The following PARP14 variants were observed in gnomAD, a reference collection of about 807,000 sequenced individuals.
PARP14 encodes the protein poly(ADP-ribose) polymerase family member 14.
PARP14 carries 59 observed loss-of-function variants against 154.2 expected under a neutral mutation model. The observed-to-expected ratio is 0.38, with a 90% CI of 0.31 to 0.48. The LOEUF is 0.48. Ranked by LOEUF, PARP14 falls within the 20% of genes least tolerant of loss-of-function variation. The probability of loss-of-function intolerance (pLI) is 0.98; values close to 1 mark genes in which losing one functional copy is unlikely to be tolerated. For synonymous variants in PARP14, 720 were observed against 780.5 expected, an observed-to-expected ratio of 0.92 and a Z score of 1.29; for missense variants, 1,734 against 2,131.6, an observed-to-expected ratio of 0.81 and a Z score of 3.67.
Position 122,701,068 on chromosome 3 carries a change from A to T in PARP14, c.2514A>T (p.Ser838=). The T allele has an allele frequency of 6.2e-7, 1 of 1,614,006 alleles. No individual in the cohort carries two copies. Among genetic ancestry groups the T allele is most frequent in the Non-Finnish European group, 8.5e-7 (1 of 1,179,888 alleles). Residue 838 remains serine, a synonymous_variant, in exon 6 of 17, where the codon TCA becomes TCT. Transcript: ENST00000474629. This position sits in a 1 kb window ranked among gnomAD's most constrained non-coding sequence, Gnocchi z 4.0. ...KHYGGLAAAL[S]KAAGPELQAD... ...ATGGTGGCCTGGCCGCTGCGCTCTC[A>T]AAAGCAGCTGGCCCTGAGCTCCAGG... is the stretch of plus-strand genomic sequence containing the variant.
At chr3:122,685,060 A>G (rs1173577291) in intron 1 of PARP14, 125 bp from the exon 2 acceptor site, 4 of 943,618 alleles carry the variant, frequency 4.2e-6, no homozygotes, top group East Asian at 5.0e-5. Flanking sequence ...CTTCACATAT[A>G]GCCTCTCTTG....
At chr3:122,683,281 C>A in intron 1 of PARP14, 1 of 984,498 alleles carries the variant, frequency 1.0e-6, no homozygotes, top group Non-Finnish European at 1.2e-6. Flanking sequence ...CTCCACCCTC[C>A]ATGCCAGGAA....
At chr3:122,688,111 A>C (rs1204842191) in intron 3 of PARP14, among the ~76,000 whole-genome samples, 1 of 152,006 alleles carries the variant, frequency 6.6e-6, no homozygotes, top group Non-Finnish European at 1.5e-5. Context: ...CTTTAGAGTA[A>C]TTCCTGCTTT....
At chr3:122,716,412 T>C (rs1932999093) in intron 12 of PARP14, among the ~76,000 whole-genome samples, 1 of 152,216 alleles carries the variant, frequency 6.6e-6, no homozygotes, top group South Asian at 2.1e-4. Context: ...AGTGCCTGCA[T>C]CTGCAAGGCA....
At position 122,719,066 on chromosome 3, in the gene PARP14, C is replaced by T. The variant is rs143484364; in HGVS notation, c.4807+108C>T. 5.7e-4 allele frequency: 633 copies of T among 1,103,036 alleles called. 2 individuals carry two copies. The African/African-American group carries it at 8.7e-3, about 15-fold the overall frequency. 68.3% of individuals were successfully genotyped at this position (1,103,036 alleles called of 1,614,324 possible). The stretch of plus-strand genomic sequence containing the variant: ...CAAATTGGAAAAAATTCATGTGACA[C>T]TAATGAAATAAACTAGAAAATGTGG... On this transcript the variant is annotated intron_variant, in intron 14 of 16. Transcript: ENST00000474629.
intron 1 of PARP14, among the ~76,000 whole-genome samples, chr3:122,684,182 A>G (rs79365043): frequency 0.052 from 7,957 of 152,266 alleles, 279 homozygotes; most frequent in Middle Eastern, 0.095. Flanking sequence ...CAGGCCAGCC[A>G]TATCAGAACA....
chr3:122,706,441 T>A (rs913648543), intron 8 of PARP14, among the ~76,000 whole-genome samples: 8 of 152,276 alleles, frequency 5.3e-5, no homozygotes, highest in Non-Finnish European at 7.4e-5. Flanking sequence ...TAAAAAAAAA[T>A]TTCAATCAGT....
At chr3:122,702,999 AAAAAAAAAAAAC>A (rs1349534591) in intron 6 of PARP14, among the ~76,000 whole-genome samples, 6 of 135,904 alleles carry the variant, frequency 4.4e-5, no homozygotes, top group African/African-American at 1.1e-4. Flanking sequence ...CTCTTAAAAA[AAAAAAAAAAAAC>A]AAAAAAAAAA....
chr3:122,707,157 G>A (rs1021533660), intron 8 of PARP14, among the ~76,000 whole-genome samples: 55 of 152,058 alleles, frequency 3.6e-4, no homozygotes, highest in African/African-American at 1.3e-3. Context: ...GGTGGCTCAT[G>A]CCTGTAATCC....
chr3:122,686,025 A>G (rs890981735), intron 2 of PARP14, among the ~76,000 whole-genome samples: 1 of 152,254 alleles, frequency 6.6e-6, no homozygotes, highest in Non-Finnish European at 1.5e-5. Flanking sequence ...ATGGAATAGT[A>G]ACATTAATGA....
At position 122,718,707 on chromosome 3, in the gene PARP14, G is replaced by A. The variant is rs759554407; in HGVS notation, c.4556G>A (p.Arg1519Gln). Residue 1519 changes from arginine to glutamine, a missense_variant, in exon 14 of 17, where the codon CGA becomes CAA. Physicochemically the swap from Arg to Gln is conservative, Grantham distance 43. Around this residue, in one of 2 missense-constraint regions of PARP14, gnomAD observed 1,646 missense variants for 1,976.0 expected, o/e 0.83. Transcript: ENST00000474629. ...DEIEAMIKRV[R>Q]LAKEQESRAD... is the part of the protein sequence containing the mutation. ...ATTGAGGCGATGATCAAGAGAGTTCGATTGGCCAAAGAACAGGAATCCCGG... is the reference window on the plus strand; with the variant it reads ...ATTGAGGCGATGATCAAGAGAGTTCAATTGGCCAAAGAACAGGAATCCCGG... The A allele has an allele frequency of 1.2e-5, 20 of 1,613,442 alleles. No individual in the cohort carries two copies. Among genetic ancestry groups the A allele is most frequent in the Middle Eastern group, 1.6e-4 (1 of 6,082 alleles).
Position 122,699,711 on chromosome 3 carries a change from A to G in PARP14, c.1157A>G (p.Asp386Gly), listed in dbSNP as rs1938891107. ...GRPRIKTWQA[D>G]TSTTLSSIRS... is the part of the protein sequence containing the mutation. ...CCGAGAATCAAGACCTGGCAGGCAGATACTTCCACAACACTCTCTAGCATC... is the reference window on the plus strand; with the variant it reads ...CCGAGAATCAAGACCTGGCAGGCAGGTACTTCCACAACACTCTCTAGCATC... Residue 386 changes from aspartate to glycine, a missense_variant, in exon 6 of 17, where the codon GAT becomes GGT. By Grantham distance (94) the Asp-to-Gly change is moderately conservative. This residue lies in a region of PARP14 where 1,646 missense variants were observed against 1,976.0 expected (regional missense o/e 0.83). Coordinates refer to ENST00000474629, the MANE Select transcript of PARP14 (RefSeq NM_017554.3). 1 of 1,613,912 alleles carries G rather than the reference A, an allele frequency of 6.2e-7. No individual in the cohort carries two copies.
chr3:122,696,971 T>G (rs1174240840), intron 5 of PARP14, among the ~76,000 whole-genome samples: 1 of 152,162 alleles, frequency 6.6e-6, no homozygotes, highest in South Asian at 2.1e-4. Context: ...ATTATGTATT[T>G]GAGACAGGGT....
intron 8 of PARP14, 22 bp downstream of exon 8, chr3:122,704,770 A>G: frequency 7.0e-7 from 1 of 1,435,554 alleles, no homozygotes; most frequent in Non-Finnish European, 9.6e-7. Context: ...CTAATTTCTG[A>G]TTATTTTGGC....
At chr3:122,707,619 A>G (rs552572418) in intron 8 of PARP14, among the ~76,000 whole-genome samples, 1 of 152,204 alleles carries the variant, frequency 6.6e-6, no homozygotes, top group Admixed American at 6.5e-5. Flanking sequence ...CAAAAAACAA[A>G]CAAACAAAAA....
Position 122,701,136 on chromosome 3 carries a change from C to G in PARP14, c.2582C>G (p.Pro861Arg), listed in dbSNP as rs374205838. 2 of 1,613,760 alleles carry G rather than the reference C, an allele frequency of 1.2e-6. No homozygotes were observed. The highest frequency in any genetic ancestry group is 2.7e-5 in the African/African-American group (2 of 74,906). The change falls in exon 6 of 17, where the codon CCG becomes CGG. Residue 861 changes from proline to arginine, a missense_variant. Pro to Arg is a moderately radical substitution (Grantham distance 103). Around this residue, in one of 2 missense-constraint regions of PARP14, gnomAD observed 1,646 missense variants for 1,976.0 expected, o/e 0.83. Coordinates refer to ENST00000474629, the MANE Select transcript of PARP14 (RefSeq NM_017554.3). This position sits in a 1 kb window ranked among gnomAD's most constrained non-coding sequence, Gnocchi z 4.0. ...QIVKREGRLL[P>R]GNATISKAGK... Reference sequence around the variant, plus strand: ...GTGAAGAGAGAGGGCAGACTCCTACCGGGCAATGCCACCATCTCCAAGGCA... The same window carrying G: ...GTGAAGAGAGAGGGCAGACTCCTACGGGGCAATGCCACCATCTCCAAGGCA...
In PARP14 at chr3:122,681,438, GT is replaced by G. The variant is rs1938203797; in HGVS notation, c.187+370del. Among the ~76,000 whole-genome samples, 1 of 152,178 alleles carries G rather than the reference GT, an allele frequency of 6.6e-6. No homozygotes were observed. Among genetic ancestry groups the G allele is most frequent in the Non-Finnish European group, 1.5e-5 (1 of 68,026 alleles). Reference sequence around the variant, plus strand: ...TTATCATCCTTTTCTGTCTTTTCCTGTTGTTATTATTCTTGTGTGGGGAAGG... The same window carrying G: ...TTATCATCCTTTTCTGTCTTTTCCTGTGTTATTATTCTTGTGTGGGGAAGG... On this transcript the variant is annotated intron_variant, in intron 1 of 16. Coordinates refer to ENST00000474629, the MANE Select transcript of PARP14 (RefSeq NM_017554.3). This position sits in a 1 kb window ranked among gnomAD's most constrained non-coding sequence, Gnocchi z 5.5.
chr3:122,726,506 C>T (rs1442747869), intron 15 of PARP14, among the ~76,000 whole-genome samples: 1 of 152,154 alleles, frequency 6.6e-6, no homozygotes, highest in African/African-American at 2.4e-5. Context: ...CCCTCTCTAG[C>T]TCTTCTAGTA....
At chr3:122,694,981 A>G (rs1938725765) in intron 4 of PARP14, among the ~76,000 whole-genome samples, 1 of 152,194 alleles carries the variant, frequency 6.6e-6, no homozygotes. Context: ...TTGTGGCAAC[A>G]CGGACAATAA....
Sources: gnomAD v4.1 joint callset for allele counts (sites outside exome capture counted in the v4.1 genomes callset) on GRCh38, gnomAD v4.1.1 for gene constraint, gnomAD v4.1.1 regional missense constraint, Gnocchi (gnomAD v3.1) non-coding constraint, MANE v1.5 for transcripts, NCBI Gene and HGNC (gene_info 2026-07-23, HGNC 2026-07-21) for gene names.